ERO1B: variants seen among roughly 807,000 people sequenced by gnomAD.
ERO1B encodes the protein endoplasmic reticulum oxidoreductase 1 beta.
In ERO1B, 49 loss-of-function variants were observed where a neutral mutation model predicts 75.3. The ratio of observed to expected loss-of-function variants is 0.65; its 90% CI spans 0.52 to 0.83. The LOEUF (loss-of-function observed/expected upper bound fraction) is 0.83. Ranked by LOEUF, ERO1B falls within the 40% of genes least tolerant of loss-of-function variation. The probability of loss-of-function intolerance (pLI) is 0.00; values close to 1 mark genes in which losing one functional copy is unlikely to be tolerated. For missense variants in ERO1B, 512 were observed against 560.1 expected (o/e 0.91, Z 0.87); for synonymous variants, 191 against 192.9 (o/e 0.99, Z 0.08).
In ERO1B at chr1:236,226,403, T is replaced by A. The variant is rs1373000780; in HGVS notation, c.918A>T (p.Leu306Phe). Residue 306 changes from leucine (L) to phenylalanine (F), a missense_variant, in exon 12 of 16, where the codon TTA becomes TTT. Leu to Phe is a conservative substitution (Grantham distance 22, BLOSUM62 0). Transcript: ENST00000354619. ...ACAAAGCTCGAAGCTCAATCAAGTA[T>A]AAAAAGTAAAGATTCTTGAGCCTTC... Reference protein sequence around the residue: ...GPRRLKNLYFLYLIELRALSK... With the variant: ...GPRRLKNLYFFYLIELRALSK... The A allele has an allele frequency of 6.2e-7, 1 of 1,614,042 alleles. No homozygotes were observed. The highest frequency in any genetic ancestry group is 8.5e-7 in the Non-Finnish European group (1 of 1,180,030).
intron 15 of ERO1B, 110 bp downstream of exon 15, chr1:236,220,722 A>AT (rs34880815): frequency 2.0e-4 from 216 of 1,104,832 alleles, no homozygotes; most frequent in South Asian, 3.1e-4. Flanking sequence ...ACAATATAAA[A>AT]TTTTTTTTTG....
At chr1:236,273,810 G>GAAAAAAAAAAAAAA (rs71176476) in intron 1 of ERO1B, among the ~76,000 whole-genome samples, 2 of 102,732 alleles carry the variant, frequency 1.9e-5, no homozygotes, top group African/African-American at 3.5e-5. Flanking sequence ...TGTCTCAAAA[G>GAAAAAAAAAAAAAA]AAAAAAAAAA....
At chr1:236,266,269 T>A (rs1279439909) in intron 2 of ERO1B, among the ~76,000 whole-genome samples, 2 of 152,230 alleles carry the variant, frequency 1.3e-5, no homozygotes, top group African/African-American at 4.8e-5. Context: ...GACTGTTACC[T>A]CCACCTGTAT....
chr1:236,277,920 A>G (rs1331357550), intron 1 of ERO1B, among the ~76,000 whole-genome samples: 1 of 152,020 alleles, frequency 6.6e-6, no homozygotes, highest in Non-Finnish European at 1.5e-5. Context: ...TCTATACTTC[A>G]AGTTTCTTTT....
At position 236,234,303 on chromosome 1, in the gene ERO1B, C is replaced by T. The variant is rs532222378; in HGVS notation, c.674-1464G>A. 2.0e-5 allele frequency among the ~76,000 whole-genome samples: 3 copies of T among 152,006 alleles called. No homozygotes were observed. In the South Asian group the frequency reaches 6.2e-4, roughly 32 times the overall value. On this transcript the variant is annotated intron_variant, in intron 8 of 15. Transcript: ENST00000354619. ...GCAGTGTTATGTCTCTGATATATCA[C>T]TAACATGGAAATGAAGTGTTTCTTA... is the stretch of plus-strand genomic sequence containing the variant.
At chr1:236,239,904 TA>T (rs1664653750) in intron 6 of ERO1B, among the ~76,000 whole-genome samples, 1 of 136,780 alleles carries the variant, frequency 7.3e-6, no homozygotes, top group Non-Finnish European at 1.5e-5. Flanking sequence ...TATATATATA[TA>T]TATATATTTT....
At chr1:236,240,248 C>A (rs1025778908) in intron 6 of ERO1B, among the ~76,000 whole-genome samples, 2 of 151,954 alleles carry the variant, frequency 1.3e-5, no homozygotes, top group African/African-American at 4.8e-5. Context: ...TTTCCACTGT[C>A]CTAATTTAAT....
At chr1:236,267,284 C>T (rs1665468169) in intron 2 of ERO1B, among the ~76,000 whole-genome samples, 1 of 152,052 alleles carries the variant, frequency 6.6e-6, no homozygotes, top group Admixed American at 6.6e-5. Flanking sequence ...TTGTTAGCTA[C>T]TTCATATCTT....
chr1:236,258,162 A>AAAAAAC lies in ERO1B; in HGVS notation c.223-4658_223-4657insGTTTTT, dbSNP rs1553373457. On this transcript the variant is annotated intron_variant, in intron 2 of 15. Transcript: ENST00000354619. ...AGAAAAACAAAGCAAAAAAAAAAAA[A>AAAAAAC]ACCCAGCCAGATCCAGGAAGTTCAA... Among the ~76,000 whole-genome samples, 350 of 136,348 alleles carry AAAAAAC rather than the reference A, an allele frequency of 2.6e-3. 9 individuals carry two copies. Among genetic ancestry groups the AAAAAAC allele is most frequent in the East Asian group, 5.3e-3 (24 of 4,512 alleles). The allele number at this position is 136,348 out of a possible 152,430, so 89.4% of individuals were successfully genotyped here.
chr1:236,270,481 A>G (rs1453851405), intron 1 of ERO1B, among the ~76,000 whole-genome samples: 2 of 152,170 alleles, frequency 1.3e-5, no homozygotes, highest in Non-Finnish European at 2.9e-5. Flanking sequence ...TTCATATTAC[A>G]TATAAGGAAA....
intron 5 of ERO1B, among the ~76,000 whole-genome samples, chr1:236,243,718 AATT>A (rs1236459785): frequency 6.6e-6 from 1 of 152,132 alleles, no homozygotes; most frequent in Non-Finnish European, 1.5e-5. Context: ...AACTATACTG[AATT>A]ATTAGGACTA....
intron 2 of ERO1B, among the ~76,000 whole-genome samples, chr1:236,258,151 A>AAAAAAAC (rs1665207300): frequency 1.6e-5 from 1 of 62,842 alleles, no homozygotes; most frequent in Non-Finnish European, 5.6e-5. Flanking sequence ...AAACAAAGCA[A>AAAAAAAC]AAAAAAAAAA....
rs1253070693 is a variant in ERO1B at position 236,216,754 on chromosome 1, AT to A, written c.*1761del. On this transcript the variant is annotated 3_prime_UTR_variant, in exon 16 of 16. Coordinates refer to ENST00000354619, the MANE Select transcript of ERO1B (RefSeq NM_019891.4). ...ATTTAGAGTGATAAACAAAGTGCAG[AT>A]TTTTCACATCTTAAACTCTGAGTGA... The A allele has an allele frequency of 2.6e-5, 4 of 152,018 alleles. No individual in the cohort carries two copies. Among genetic ancestry groups the A allele is most frequent in the Non-Finnish European group, 4.4e-5 (3 of 67,946 alleles). 9.4% of individuals were successfully genotyped at this position (152,018 alleles called of 1,614,324 possible).
At chr1:236,255,133 A>G (rs1665132008) in intron 2 of ERO1B, among the ~76,000 whole-genome samples, 1 of 149,868 alleles carries the variant, frequency 6.7e-6, no homozygotes, top group African/African-American at 2.5e-5. Flanking sequence ...ACAAGGTCTC[A>G]CTATGTTTCC....
chr1:236,244,549 G>A (rs1262238647), intron 5 of ERO1B, among the ~76,000 whole-genome samples: 2 of 152,162 alleles, frequency 1.3e-5, no homozygotes, highest in East Asian at 3.8e-4. Flanking sequence ...TAATAAGATA[G>A]ATCTTATGTT....
chr1:236,238,854 G>A (rs1390586171), intron 6 of ERO1B, among the ~76,000 whole-genome samples: 2 of 151,860 alleles, frequency 1.3e-5, no homozygotes, highest in Non-Finnish European at 2.9e-5. Flanking sequence ...AACCAATAAA[G>A]AAGAAAAACC....
chr1:236,244,536 G>C (rs1489238133), intron 5 of ERO1B, among the ~76,000 whole-genome samples: 1 of 152,154 alleles, frequency 6.6e-6, no homozygotes, highest in African/African-American at 2.4e-5. Context: ...CTAAACTTGT[G>C]TTTAATAAGA....
intron 6 of ERO1B, among the ~76,000 whole-genome samples, chr1:236,237,527 G>T (rs1398555190): frequency 1.3e-5 from 2 of 152,128 alleles, no homozygotes; most frequent in Non-Finnish European, 2.9e-5. Context: ...CATAGCTAAA[G>T]AAAAATTATA....
intron 2 of ERO1B, among the ~76,000 whole-genome samples, chr1:236,262,546 T>C (rs748064444): frequency 1.5e-4 from 22 of 150,950 alleles, no homozygotes; most frequent in Non-Finnish European, 2.8e-4. Context: ...GGGATTACAG[T>C]TGCACATCAC....
Sources: gnomAD v4.1 joint callset for allele counts (sites outside exome capture counted in the v4.1 genomes callset) on GRCh38, gnomAD v4.1.1 for gene constraint, MANE v1.5 for transcripts, NCBI Gene and HGNC (gene_info 2026-07-23, HGNC 2026-07-21) for gene names.